Variants in SLC9A9 observed in about 807,000 individuals in gnomAD.
SLC9A9 encodes the protein solute carrier family 9 member A9, also known as sodium/hydrogen exchanger 9.
In SLC9A9, 62 loss-of-function variants were observed where a neutral mutation model predicts 77.8. That is an observed-to-expected ratio of 0.80 (90% CI 0.65 to 0.98). The LOEUF (loss-of-function observed/expected upper bound fraction) is 0.98, where lower values mean the gene tolerates loss of function less well. SLC9A9 is among the 50% of genes least tolerant of loss of function. The pLI is 0.00. For missense variants in SLC9A9, 775 were observed against 774.9 expected (o/e 1.00, Z 0.00); for synonymous variants, 320 against 283.5 (o/e 1.13, Z -1.29).
chr3:143,381,165 T>G (rs1325347964), intron 13 of SLC9A9, among the ~76,000 whole-genome samples: 1 of 152,214 alleles, frequency 6.6e-6, no homozygotes, highest in Non-Finnish European at 1.5e-5. Context: ...CTACTTGAGG[T>G]GATATGGTTT....
At position 143,360,011 on chromosome 3, in the gene SLC9A9, C is replaced by A. The variant is rs565878516; in HGVS notation, c.1604+3473G>T. On this transcript the variant is annotated intron_variant, in intron 14 of 15. Coordinates refer to ENST00000316549, the MANE Select transcript of SLC9A9 (RefSeq NM_173653.4). Reference sequence around the variant, plus strand: ...TAATTATTCATTGTTTGAATGGTGACTTTGTGAACATACTGAGACATGAGG... The same window carrying A: ...TAATTATTCATTGTTTGAATGGTGAATTTGTGAACATACTGAGACATGAGG... Among the ~76,000 whole-genome samples the A allele has an allele frequency of 3.0e-3, 454 of 152,216 alleles. 1 individual carries two copies. The highest frequency in any genetic ancestry group is 0.011 in the African/African-American group (442 of 41,520).
At chr3:143,501,975 T>C (rs776470308) in intron 9 of SLC9A9, among the ~76,000 whole-genome samples, 2 of 150,774 alleles carry the variant, frequency 1.3e-5, no homozygotes, top group African/African-American at 5.0e-5. Flanking sequence ...AATAAACTTA[T>C]TGGTCAATTT....
At chr3:143,376,037 C>T (rs1351898288) in intron 13 of SLC9A9, among the ~76,000 whole-genome samples, 1 of 152,086 alleles carries the variant, frequency 6.6e-6, no homozygotes, top group Non-Finnish European at 1.5e-5. Context: ...GAGAATGATG[C>T]AGGTTGACCC....
At chr3:143,423,674 T>C (rs921093103) in intron 12 of SLC9A9, among the ~76,000 whole-genome samples, 3 of 152,204 alleles carry the variant, frequency 2.0e-5, no homozygotes, top group Non-Finnish European at 4.4e-5. Context: ...ACTTGAAAGT[T>C]GATGAGGACT....
At chr3:143,567,259 G>A (rs750884777) in intron 8 of SLC9A9, among the ~76,000 whole-genome samples, 1 of 152,084 alleles carries the variant, frequency 6.6e-6, no homozygotes, top group African/African-American at 2.4e-5. Context: ...CAATTAATAG[G>A]ATGACTTATT....
chr3:143,304,275 T>C (rs2030675364), intron 14 of SLC9A9, among the ~76,000 whole-genome samples: 1 of 152,066 alleles, frequency 6.6e-6, no homozygotes, highest in Non-Finnish European at 1.5e-5. Context: ...AGAAGAGAGG[T>C]GAAAAGAGCC....
intron 2 of SLC9A9, among the ~76,000 whole-genome samples, chr3:143,830,000 T>C (rs2009396045): frequency 6.6e-6 from 1 of 152,180 alleles, no homozygotes; most frequent in Non-Finnish European, 1.5e-5. Context: ...TAACTTTGTT[T>C]AAACATTACT....
intron 12 of SLC9A9, among the ~76,000 whole-genome samples, chr3:143,456,488 A>C (rs1462729484): frequency 6.6e-6 from 1 of 152,050 alleles, no homozygotes; most frequent in Non-Finnish European, 1.5e-5. Flanking sequence ...CTTCTTTCAA[A>C]GAATTTGCCA....
At chr3:143,551,827 G>C (rs1448105461) in intron 9 of SLC9A9, among the ~76,000 whole-genome samples, 2 of 152,186 alleles carry the variant, frequency 1.3e-5, no homozygotes, top group African/African-American at 4.8e-5. Flanking sequence ...CATGGTGCTT[G>C]GCGCAGAGTG....
intron 4 of SLC9A9, among the ~76,000 whole-genome samples, chr3:143,789,384 C>A (rs370562169): frequency 4.6e-4 from 70 of 152,262 alleles, no homozygotes; most frequent in African/African-American, 1.5e-3. Context: ...GAAATGGGAT[C>A]AATGCAGACT....
At chr3:143,654,461 A>G (rs1190231062) in intron 5 of SLC9A9, among the ~76,000 whole-genome samples, 7 of 152,168 alleles carry the variant, frequency 4.6e-5, no homozygotes, top group Non-Finnish European at 7.4e-5. Context: ...AGCTGTTAAC[A>G]TTTGCCACAA....
chr3:143,681,610 T>A (rs1933098637), intron 5 of SLC9A9, among the ~76,000 whole-genome samples: 1 of 152,208 alleles, frequency 6.6e-6, no homozygotes, highest in South Asian at 2.1e-4. Flanking sequence ...CGTTGCTGAG[T>A]TCTTTTTATA....
chr3:143,657,065 G>T (rs1019515631), intron 5 of SLC9A9, among the ~76,000 whole-genome samples: 1 of 152,052 alleles, frequency 6.6e-6, no homozygotes, highest in South Asian at 2.1e-4. Context: ...TGAAATATGG[G>T]AATTATTTTG....
chr3:143,667,371 A>G (rs2039086309), intron 5 of SLC9A9, among the ~76,000 whole-genome samples: 1 of 152,262 alleles, frequency 6.6e-6, no homozygotes, highest in African/African-American at 2.4e-5. Flanking sequence ...TTAAAACCAT[A>G]AAAACCCTCG....
intron 11 of SLC9A9, among the ~76,000 whole-genome samples, chr3:143,492,341 C>T (rs1177302107): frequency 7.9e-5 from 12 of 151,786 alleles, no homozygotes; most frequent in Non-Finnish European, 1.6e-4. Flanking sequence ...TCTCACCTTC[C>T]TTATGACTCT....
At chr3:143,844,748 TCTTTCTTTCTTTCTTTC>T (rs1408812530) in intron 1 of SLC9A9, among the ~76,000 whole-genome samples, 157 of 147,996 alleles carry the variant, frequency 1.1e-3, no homozygotes, top group African/African-American at 3.9e-3. Context: ...TTTCTTTCTT[TCTTTCTTTCTTTCTTTC>T]TTTCTTTCTT....
rs986474342 is a variant in SLC9A9 at position 143,762,296 on chromosome 3, A to T, written c.533+32705T>A. Among the ~76,000 whole-genome samples, 7 of 152,286 alleles carry T rather than the reference A, an allele frequency of 4.6e-5. No homozygotes were observed. The East Asian group carries it at 9.6e-4, about 21-fold the overall frequency. On this transcript the variant is annotated intron_variant, in intron 4 of 15. Coordinates refer to ENST00000316549, the MANE Select transcript of SLC9A9 (RefSeq NM_173653.4). ...CATGGCACATGTATACATATGTAACAAACCTGCACGTTGTGCACATGTACC... is the reference window on the plus strand; with the variant it reads ...CATGGCACATGTATACATATGTAACTAACCTGCACGTTGTGCACATGTACC...
rs749976106 is a variant in SLC9A9, at chr3:143,266,712, T to A, written c.1928A>T (p.Gln643Leu). Residue 643 changes from glutamine (Q) to leucine (L), a missense_variant, in exon 16 of 16, where the codon CAG becomes CTG. Transcript: ENST00000316549. ...TACTCTTCATGCCAATTAATTCAAC[T>A]GGGATTGACCCAAAGTTTGCTCAAG... The part of the protein sequence containing the change: ...LKLEQTLGQS[Q>L]LN 3 of 1,614,184 alleles carry A rather than the reference T, an allele frequency of 1.9e-6. No individual in the cohort carries two copies. The highest frequency in any genetic ancestry group is 2.2e-5 in the South Asian group (2 of 91,080).
In SLC9A9 at chr3:143,544,664, C is replaced by T. The variant is rs148726069; in HGVS notation, c.1089+7698G>A. Among the ~76,000 whole-genome samples, 32 of 152,210 alleles carry T rather than the reference C, an allele frequency of 2.1e-4. No individual in the cohort carries two copies. The East Asian group carries it at 4.4e-3, about 21-fold the overall frequency. On this transcript the variant is annotated intron_variant, in intron 9 of 15. Coordinates refer to ENST00000316549, the MANE Select transcript of SLC9A9 (RefSeq NM_173653.4). Reference sequence around the variant, plus strand: ...TTTCTTTTGCTGTGCAGAAGCTCTTCGGCTTAATTAGGTCCCACTTGTCAG... The same window carrying T: ...TTTCTTTTGCTGTGCAGAAGCTCTTTGGCTTAATTAGGTCCCACTTGTCAG...
Sources: gnomAD v4.1 joint callset for allele counts (sites outside exome capture counted in the v4.1 genomes callset) on GRCh38, gnomAD v4.1.1 for gene constraint, MANE v1.5 for transcripts, NCBI Gene and HGNC (gene_info 2026-07-23, HGNC 2026-07-21) for gene names.